The following NAV3 variants were observed in gnomAD, a reference collection of about 807,000 sequenced individuals.
The protein encoded by NAV3 is pore membrane and/or filament interacting like protein 1.
A neutral mutation model predicts 244.7 loss-of-function variants in NAV3; 87 were observed. The observed-to-expected ratio is 0.36, with a 90% CI of 0.30 to 0.42. The LOEUF (loss-of-function observed/expected upper bound fraction) is 0.42. NAV3 is among the 20% of genes least tolerant of loss of function. NAV3 has a pLI of 1.00. For missense variants in NAV3, 2,663 were observed against 2,893.3 expected (o/e 0.92, Z 1.83); for synonymous variants, 1,126 against 1,042.2 (o/e 1.08, Z -1.55).
At chr12:77,995,034 A>G (rs1253797123) in intron 6 of NAV3, among the ~76,000 whole-genome samples, 163 bp downstream of exon 6, 3 of 152,032 alleles carry the variant, frequency 2.0e-5, no homozygotes, top group Admixed American at 6.6e-5. Context: ...AGGGATGAGC[A>G]TGTTTGTACT....
intron 2 of NAV3, among the ~76,000 whole-genome samples, chr12:77,713,002 C>T (rs1212055563): frequency 6.6e-6 from 1 of 152,122 alleles, no homozygotes; most frequent in Non-Finnish European, 1.5e-5. Context: ...ATGTTGACCC[C>T]CTCTGATACT....
chr12:78,205,734 A>G (rs924021653), intron 39 of NAV3, among the ~76,000 whole-genome samples: 9 of 151,668 alleles, frequency 5.9e-5, no homozygotes, highest in Non-Finnish European at 1.2e-4. Flanking sequence ...TATTATTAGG[A>G]AAAAAAACAC....
intron 3 of NAV3, 59 bp from the exon 4 acceptor site, chr12:77,966,170 C>T (rs1181312964): frequency 1.5e-6 from 2 of 1,371,152 alleles, no homozygotes; most frequent in African/African-American, 1.4e-5. Flanking sequence ...CATTTTGGCA[C>T]ATGTATTTGT....
At chr12:78,157,013 C>G (rs1003144028) in intron 22 of NAV3, among the ~76,000 whole-genome samples, 1 of 151,968 alleles carries the variant, frequency 6.6e-6, no homozygotes, top group Admixed American at 6.6e-5. Context: ...AAAGTGTAAG[C>G]TTGGGTAGGA....
At chr12:78,127,258 T>C (rs1468887749) in intron 17 of NAV3, 50 bp downstream of exon 17, 5 of 1,540,166 alleles carry the variant, frequency 3.2e-6, no homozygotes, top group South Asian at 1.1e-5. Context: ...TTATGTAAAC[T>C]TTGTGTGCTG....
At chr12:78,094,532 G>T (rs1326501871) in intron 12 of NAV3, among the ~76,000 whole-genome samples, 1 of 152,138 alleles carries the variant, frequency 6.6e-6, no homozygotes, top group Non-Finnish European at 1.5e-5. Context: ...TGCTAAGACT[G>T]TCATGTCAAC....
intron 2 of NAV3, among the ~76,000 whole-genome samples, chr12:77,805,901 G>A (rs1244297027): frequency 1.3e-5 from 2 of 152,158 alleles, no homozygotes; most frequent in African/African-American, 2.4e-5. Flanking sequence ...TTGGCAGGGT[G>A]TATGTGTCAA....
At chr12:77,746,410 ATTGTAAAAATGGGT>A (rs1175644929) in intron 2 of NAV3, among the ~76,000 whole-genome samples, 2 of 152,102 alleles carry the variant, frequency 1.3e-5, no homozygotes, top group African/African-American at 4.8e-5. Context: ...TGATGAGGGC[ATTGTAAAAATGGGT>A]TTCCTGGCCT....
At chr12:77,736,643 TG>T (rs1877347056) in intron 2 of NAV3, among the ~76,000 whole-genome samples, 1 of 152,186 alleles carries the variant, frequency 6.6e-6, no homozygotes, top group Admixed American at 6.5e-5. Flanking sequence ...GCACTGGTTA[TG>T]GTTAAAGTGA....
intron 12 of NAV3, among the ~76,000 whole-genome samples, chr12:78,068,967 G>A (rs886657350): frequency 3.3e-5 from 5 of 151,022 alleles, no homozygotes; most frequent in Admixed American, 6.6e-5. Flanking sequence ...CAAGAACTAG[G>A]CATGAATTCT....
chr12:77,585,311 C>T (rs1869549366), intron 2 of NAV3, among the ~76,000 whole-genome samples: 1 of 152,136 alleles, frequency 6.6e-6, no homozygotes, highest in Non-Finnish European at 1.5e-5. Context: ...TTTCCAGGGT[C>T]TTCACTCCTA....
In NAV3 at chr12:77,664,101, C is replaced by A. The variant is rs375809272; in HGVS notation, c.72+91835C>A. Among the ~76,000 whole-genome samples the A allele has an allele frequency of 2.6e-5, 4 of 152,268 alleles. No homozygotes were observed. The South Asian group carries it at 6.2e-4, about 24-fold the overall frequency. On this transcript the variant is annotated intron_variant, in intron 2 of 8. Coordinates refer to the NAV3 transcript ENST00000550042. Reference sequence around the variant, plus strand: ...AACACGATGGTAAACATGACATTAACCAAAATTAAAAATTATGAAATTATT... The same window carrying A: ...AACACGATGGTAAACATGACATTAAACAAAATTAAAAATTATGAAATTATT...
At chr12:77,979,830 G>T (rs1869234764) in intron 5 of NAV3, among the ~76,000 whole-genome samples, 1 of 151,912 alleles carries the variant, frequency 6.6e-6, no homozygotes, top group South Asian at 2.1e-4. Context: ...TGAAATGCCA[G>T]AGATTTGGTC....
chr12:77,946,771 A>T (rs1174955194), intron 3 of NAV3, among the ~76,000 whole-genome samples: 1 of 152,210 alleles, frequency 6.6e-6, no homozygotes, highest in Admixed American at 6.6e-5. Flanking sequence ...TTTACTTAGA[A>T]TGCAGAGACA....
chr12:77,976,666 C>CTTTCTTTTTTTTTTTTTTTTTTTTTTT (rs1446044531), intron 5 of NAV3, among the ~76,000 whole-genome samples: 4 of 58,062 alleles, frequency 6.9e-5, no homozygotes, highest in South Asian at 5.7e-4. Context: ...TTCTTTCTTT[C>CTTTCTTTTTTTTTTTTTTTTTTTTTTT]TTTTTTTCTT....
chr12:77,818,195 T>C (rs1449097171), intron 2 of NAV3, among the ~76,000 whole-genome samples: 2 of 152,162 alleles, frequency 1.3e-5, no homozygotes, highest in African/African-American at 4.8e-5. Context: ...CAACTGAACT[T>C]ATTTTCCCTA....
At chr12:77,814,955 A>G (rs187777538) in intron 2 of NAV3, among the ~76,000 whole-genome samples, 3 of 152,286 alleles carry the variant, frequency 2.0e-5, no homozygotes, top group African/African-American at 4.8e-5. Context: ...TGACTTTACC[A>G]TCACTTACAT....
chr12:77,773,724 A>T lies in NAV3; in HGVS notation c.73-166595A>T, dbSNP rs184395015. On this transcript the variant is annotated intron_variant, in intron 2 of 8. Transcript: ENST00000550042. ...TGTACATCTCATTGAGTAACCCGCA[A>T]ATATGTATTTTGACAACTTTATATG... is the stretch of plus-strand genomic sequence containing the variant. 1.3e-3 allele frequency among the ~76,000 whole-genome samples: 193 copies of T among 152,286 alleles called. 1 individual carries two copies. Among genetic ancestry groups the T allele is most frequent in the South Asian group, 7.1e-3 (34 of 4,818 alleles).
At chr12:77,721,292 G>C (rs746655191) in intron 2 of NAV3, among the ~76,000 whole-genome samples, 1 of 152,068 alleles carries the variant, frequency 6.6e-6, no homozygotes, top group Non-Finnish European at 1.5e-5. Context: ...TCCAAAAGAT[G>C]TAGATGTTGT....
Sources: gnomAD v4.1 joint callset for allele counts (sites outside exome capture counted in the v4.1 genomes callset) on GRCh38, gnomAD v4.1.1 for gene constraint, MANE v1.5 for transcripts, NCBI Gene and HGNC (gene_info 2026-07-23, HGNC 2026-07-21) for gene names.